Variants in ADCY8 observed in about 807,000 individuals in gnomAD.
ADCY8 encodes the protein adenylate cyclase 8.
In ADCY8, 51 loss-of-function variants were observed where a neutral mutation model predicts 119.7. That is an observed-to-expected ratio of 0.43 (90% confidence interval 0.34 to 0.54). The LOEUF is 0.54. Ranked by LOEUF, ADCY8 falls within the 20% of genes least tolerant of loss-of-function variation. The pLI is 0.03. For missense variants in ADCY8, 1,383 were observed against 1,598.8 expected (o/e 0.87, Z 2.30); for synonymous variants, 665 against 651.0 (o/e 1.02, Z -0.33).
chr8:131,000,191 G>A, intron 1 of ADCY8, among the ~76,000 whole-genome samples: 1 of 152,280 alleles, frequency 6.6e-6, no homozygotes, highest in African/African-American at 2.4e-5. Flanking sequence ...GTAGGCCTGG[G>A]AATTGGGTAC....
At chr8:130,811,549 C>A (rs263253) in intron 14 of ADCY8, among the ~76,000 whole-genome samples, 25,448 of 152,210 alleles carry the variant, frequency 0.17, 2,716 homozygotes, top group South Asian at 0.32. Flanking sequence ...GTCTGAAAAT[C>A]TAGTCCTGGA....
At chr8:130,815,684 A>C (rs1371402645) in intron 13 of ADCY8, among the ~76,000 whole-genome samples, 1 of 152,254 alleles carries the variant, frequency 6.6e-6, no homozygotes, top group African/African-American at 2.4e-5. Context: ...GAATGAACTC[A>C]TTAGTGAAAG....
chr8:131,014,416 A>G (rs1823404984), intron 1 of ADCY8, among the ~76,000 whole-genome samples: 1 of 152,230 alleles, frequency 6.6e-6, no homozygotes, highest in African/African-American at 2.4e-5. Flanking sequence ...TCTTTAGCCC[A>G]TGGTGATTCA....
At chr8:130,811,565 G>A (rs1816167758) in intron 14 of ADCY8, among the ~76,000 whole-genome samples, 1 of 152,152 alleles carries the variant, frequency 6.6e-6, no homozygotes, top group African/African-American at 2.4e-5. Flanking sequence ...CTGGAAGAGC[G>A]GTATTATCCC....
At chr8:130,962,399 A>G (rs1821631078) in intron 2 of ADCY8, among the ~76,000 whole-genome samples, 1 of 152,336 alleles carries the variant, frequency 6.6e-6, no homozygotes. Context: ...TCCTGGAGCC[A>G]GACTGTGGCC....
Position 130,914,364 on chromosome 8 carries a change from C to T in ADCY8, c.1482-4498G>A, listed in dbSNP as rs188963060. Among the ~76,000 whole-genome samples the T allele has an allele frequency of 5.9e-5, 9 of 152,290 alleles. No homozygotes were observed. In the South Asian group the frequency reaches 8.3e-4, roughly 14 times the overall value. ...GGCGCTAATGTCATTAGGCAATTAA[C>T]ATTATACAGAGAATGCACTGGAGCA... On this transcript the variant is annotated intron_variant, in intron 5 of 17. Coordinates refer to ENST00000286355, the MANE Select transcript of ADCY8 (RefSeq NM_001115.3).
intron 2 of ADCY8, among the ~76,000 whole-genome samples, chr8:130,987,770 A>G (rs1006640374): frequency 2.0e-5 from 3 of 152,188 alleles, no homozygotes; most frequent in Admixed American, 6.5e-5. Context: ...ATATTTTAAA[A>G]GATATGAATG....
At chr8:131,017,408 C>T (rs1025290079) in intron 1 of ADCY8, among the ~76,000 whole-genome samples, 6 of 152,272 alleles carry the variant, frequency 3.9e-5, no homozygotes, top group African/African-American at 7.2e-5. Flanking sequence ...AGGCAGCAGT[C>T]GGAGCTAGAT....
At chr8:130,845,633 A>C (rs1239416201) in intron 11 of ADCY8, among the ~76,000 whole-genome samples, 2 of 152,114 alleles carry the variant, frequency 1.3e-5, no homozygotes, top group African/African-American at 2.4e-5. Context: ...CACAGAGTAC[A>C]CTAAGCTGGG....
At chr8:130,853,664 C>G (rs1817615927) in intron 9 of ADCY8, among the ~76,000 whole-genome samples, 2 of 150,238 alleles carry the variant, frequency 1.3e-5, no homozygotes, top group African/African-American at 4.9e-5. Context: ...ATCTATAGGG[C>G]TGTGTGGGAG....
chr8:130,822,535 AATCCATCC>A (rs145398330), intron 12 of ADCY8, among the ~76,000 whole-genome samples: 29,257 of 138,614 alleles, frequency 0.21, 3,337 homozygotes, highest in Admixed American at 0.28. Context: ...TGAATCCATG[AATCCATCC>A]ATCCATCCAT....
rs375308057 is a variant in ADCY8, at chr8:130,851,118, T to G, written c.2211-1315A>C. Among the ~76,000 whole-genome samples, 11 of 152,334 alleles carry G rather than the reference T, an allele frequency of 7.2e-5. No individual in the cohort carries two copies. The East Asian group carries it at 9.6e-4, about 13-fold the overall frequency. ...CTCCCATGTTTGCAATCATCTTTTT[T>G]GCTTTTATGGTTTCATCATAATATT... On this transcript the variant is annotated intron_variant, in intron 9 of 17. Transcript: ENST00000286355.
intron 13 of ADCY8, among the ~76,000 whole-genome samples, chr8:130,815,825 G>A (rs113262426): frequency 0.01 from 1,555 of 152,274 alleles, 11 homozygotes; most frequent in African/African-American, 0.016. Flanking sequence ...CAGTGACCAG[G>A]CAGGGGCGGA....
At chr8:130,939,468 G>A (rs371852914) in intron 4 of ADCY8, among the ~76,000 whole-genome samples, 2 of 152,086 alleles carry the variant, frequency 1.3e-5, no homozygotes, top group Non-Finnish European at 2.9e-5. Flanking sequence ...TTGGGGCATC[G>A]GGTTGGTATG....
At chr8:130,909,094 C>T (rs1819891743) in intron 6 of ADCY8, among the ~76,000 whole-genome samples, 1 of 152,088 alleles carries the variant, frequency 6.6e-6, no homozygotes, top group East Asian at 1.9e-4. Context: ...TGCAGAAAAT[C>T]ACACTGGCTC....
intron 7 of ADCY8, among the ~76,000 whole-genome samples, chr8:130,900,268 C>T (rs1378282551): frequency 6.6e-6 from 1 of 152,128 alleles, no homozygotes; most frequent in African/African-American, 2.4e-5. Flanking sequence ...AGCATCAAAA[C>T]CAAGGGAGTA....
At chr8:131,036,188 A>AT (rs1177947407) in intron 1 of ADCY8, among the ~76,000 whole-genome samples, 1 of 152,042 alleles carries the variant, frequency 6.6e-6, no homozygotes, top group Non-Finnish European at 1.5e-5. Context: ...GGATTCTGTC[A>AT]TTTTTTTCTC....
Position 130,847,440 on chromosome 8 carries a change from A to T in ADCY8, c.2486T>A (p.Ile829Asn), listed in dbSNP as rs1817366183. 6.2e-7 allele frequency: 1 copy of T among 1,612,882 alleles called. No homozygotes were observed. Among genetic ancestry groups the T allele is most frequent in the Non-Finnish European group, 8.5e-7 (1 of 1,179,330 alleles). Residue 829 changes from isoleucine (I) to asparagine (N), a missense_variant, in exon 11 of 18, where the codon ATC becomes AAC. Ile to Asn is a moderately radical substitution (Grantham distance 149). Transcript: ENST00000286355. Reference sequence around the variant, plus strand: ...AATAAATACCTCTGGGTAGGAGCAGATATCTGTAAACACAGCTGAGGAATT... The same window carrying T: ...AATAAATACCTCTGGGTAGGAGCAGTTATCTGTAAACACAGCTGAGGAATT... ...TFNSSAVFTD[I>N]CSYPEYFVFT...
At chr8:130,970,701 A>T (rs1821898005) in intron 2 of ADCY8, among the ~76,000 whole-genome samples, 1 of 152,182 alleles carries the variant, frequency 6.6e-6, no homozygotes, top group Non-Finnish European at 1.5e-5. Context: ...CACTAGTTGG[A>T]ATTCACCAAC....
Sources: gnomAD v4.1 joint callset for allele counts (sites outside exome capture counted in the v4.1 genomes callset) on GRCh38, gnomAD v4.1.1 for gene constraint, MANE v1.5 for transcripts, NCBI Gene and HGNC (gene_info 2026-07-23, HGNC 2026-07-21) for gene names.